CTNNA2: variants seen among roughly 807,000 people sequenced by gnomAD.
The protein encoded by CTNNA2 is catenin alpha-2.
Under a neutral mutation model 101.0 loss-of-function variants are expected in CTNNA2, and 42 were observed. The observed-to-expected ratio is 0.42, with a 90% CI of 0.32 to 0.54. The LOEUF (loss-of-function observed/expected upper bound fraction) is 0.54. Among genes scored for constraint, CTNNA2 ranks in the 20% least tolerant of loss-of-function variants. The probability of loss-of-function intolerance (pLI) is 0.14; values close to 1 mark genes in which losing one functional copy is unlikely to be tolerated. For synonymous variants in CTNNA2, 450 were observed against 456.4 expected (o/e 0.99, Z 0.18); for missense variants, 871 against 1,223.1 (o/e 0.71, Z 4.29).
chr2:79,246,136 T>A (rs191362451), intron 2 of CTNNA2, among the ~76,000 whole-genome samples: 3 of 152,218 alleles, frequency 2.0e-5, no homozygotes, highest in African/African-American at 7.2e-5. Flanking sequence ...AATATGAATC[T>A]AGGGTCCTAA....
intron 9 of CTNNA2, among the ~76,000 whole-genome samples, chr2:80,534,670 G>A (rs774021311): frequency 6.6e-6 from 1 of 152,160 alleles, no homozygotes; most frequent in Non-Finnish European, 1.5e-5. Context: ...CGGATGATAT[G>A]TTGGTGGAGA....
intron 7 of CTNNA2, among the ~76,000 whole-genome samples, chr2:80,192,423 T>C (rs867103188): frequency 1.3e-5 from 2 of 152,350 alleles, no homozygotes; most frequent in Non-Finnish European, 1.5e-5. Context: ...TTTCCTTTCT[T>C]CTTGATTTCT....
chr2:80,331,311 G>A (rs116643018), intron 7 of CTNNA2, among the ~76,000 whole-genome samples: 2,395 of 152,222 alleles, frequency 0.016, 75 homozygotes, highest in African/African-American at 0.054. Flanking sequence ...TCTTGCCTCC[G>A]TTTGATTGCC....
intron 1 of CTNNA2, among the ~76,000 whole-genome samples, chr2:79,595,909 C>A (rs1231607491): frequency 6.6e-6 from 1 of 150,546 alleles, no homozygotes; most frequent in Non-Finnish European, 1.5e-5. Context: ...TATCAACCAG[C>A]CTCAGTTCTT....
rs763178273 is a variant in CTNNA2 at position 80,303,645 on chromosome 2, C to T, written c.1057-89566C>T. 1 of 1,613,378 alleles carries T rather than the reference C, an allele frequency of 6.2e-7. No homozygotes were observed. The highest frequency in any genetic ancestry group is 8.5e-7 in the Non-Finnish European group (1 of 1,179,596). On this transcript the variant is annotated intron_variant, in intron 7 of 18. Coordinates refer to ENST00000402739, the MANE Select transcript of CTNNA2 (RefSeq NM_001282597.3). The surrounding 1 kb of genome is among the most constrained non-coding windows in gnomAD (Gnocchi z 7.7). ...AGGCCGGACAGGTTGTGGGGCGCCT[C>T]GGTGAGGTTGAGCGCCTCGCAGTAC...
At chr2:79,278,588 C>T (rs988632731) in intron 2 of CTNNA2, among the ~76,000 whole-genome samples, 1 of 151,962 alleles carries the variant, frequency 6.6e-6, no homozygotes, top group Non-Finnish European at 1.5e-5. Flanking sequence ...AAGTATAAGT[C>T]CCCGTTGTAC....
intron 1 of CTNNA2, among the ~76,000 whole-genome samples, chr2:79,541,056 A>G (rs991966140): frequency 1.3e-5 from 2 of 152,122 alleles, no homozygotes; most frequent in Non-Finnish European, 2.9e-5. Context: ...TCCATGAGAC[A>G]TGTCCTGAAA....
At chr2:79,351,975 C>A (rs1677398593) in intron 3 of CTNNA2, among the ~76,000 whole-genome samples, 1 of 152,140 alleles carries the variant, frequency 6.6e-6, no homozygotes, top group African/African-American at 2.4e-5. Context: ...TAGTTCAACT[C>A]TCAGTTCTTT....
chr2:79,716,203 T>A (rs576664503), intron 2 of CTNNA2, among the ~76,000 whole-genome samples: 5 of 152,326 alleles, frequency 3.3e-5, no homozygotes, highest in East Asian at 1.9e-4. Flanking sequence ...GGAAGACTTT[T>A]AAAAATTTTT....
At chr2:80,162,626 G>A in intron 7 of CTNNA2, 3 of 1,611,498 alleles carry the variant, frequency 1.9e-6, no homozygotes, top group East Asian at 2.2e-5. Flanking sequence ...TATCTGCTAG[G>A]TAGGGATGAG....
At chr2:79,197,166 A>G (rs529493294) in intron 1 of CTNNA2, among the ~76,000 whole-genome samples, 22 of 152,226 alleles carry the variant, frequency 1.4e-4, no homozygotes, top group Non-Finnish European at 3.1e-4. Context: ...CACTATGTGG[A>G]AATAAATAAA....
intron 2 of CTNNA2, among the ~76,000 whole-genome samples, chr2:79,654,983 A>T (rs1412286593): frequency 6.6e-6 from 1 of 152,236 alleles, no homozygotes; most frequent in Non-Finnish European, 1.5e-5. Flanking sequence ...CTGAACCTAA[A>T]TATAAAATAT....
At chr2:79,618,940 T>C (rs1410468187) in intron 1 of CTNNA2, among the ~76,000 whole-genome samples, 1 of 152,178 alleles carries the variant, frequency 6.6e-6, no homozygotes, top group Non-Finnish European at 1.5e-5. Flanking sequence ...GTGTGGTGGC[T>C]CACGCCTGTA....
intron 4 of CTNNA2, among the ~76,000 whole-genome samples, chr2:79,417,218 C>T (rs896199535): frequency 4.6e-5 from 7 of 151,632 alleles, no homozygotes; most frequent in African/African-American, 1.7e-4. Context: ...AAGATTAGAA[C>T]AAAGCTTGGT....
chr2:79,525,862 A>G (rs1162491978), intron 1 of CTNNA2, among the ~76,000 whole-genome samples: 1 of 152,018 alleles, frequency 6.6e-6, no homozygotes, highest in Non-Finnish European at 1.5e-5. Flanking sequence ...TACTAATATG[A>G]TAAGTTTCAA....
chr2:79,821,036 C>T (rs1171012360), intron 3 of CTNNA2, among the ~76,000 whole-genome samples: 1 of 152,048 alleles, frequency 6.6e-6, no homozygotes, highest in Non-Finnish European at 1.5e-5. Context: ...AATAAATCTC[C>T]TAATAATGGC....
chr2:79,300,155 T>G (rs903104005), intron 2 of CTNNA2, among the ~76,000 whole-genome samples: 1 of 152,126 alleles, frequency 6.6e-6, no homozygotes, highest in Non-Finnish European at 1.5e-5. Context: ...TGCCCTAAAA[T>G]TCCCCCTGCT....
At chr2:79,812,938 A>G (rs1446554210) in intron 3 of CTNNA2, among the ~76,000 whole-genome samples, 1 of 151,882 alleles carries the variant, frequency 6.6e-6, no homozygotes, top group Non-Finnish European at 1.5e-5. Flanking sequence ...GGACAGTAAC[A>G]CTCCAGGTGC....
At chr2:79,512,735 G>A (rs1291138048), upstream of CTNNA2, among the ~76,000 whole-genome samples, 1 of 151,306 alleles carries the variant, frequency 6.6e-6, no homozygotes, top group African/African-American at 2.4e-5. Context: ...CCCCACCTGC[G>A]GCGCCGAGCC....
Sources: allele counts gnomAD v4.1 joint callset (sites outside exome capture counted in the v4.1 genomes callset), GRCh38; gene constraint gnomAD v4.1.1; non-coding constraint Gnocchi (gnomAD v3.1); transcripts MANE v1.5; gene names NCBI Gene and HGNC (gene_info 2026-07-23, HGNC 2026-07-21).